Variants in MYO16 observed in about 807,000 individuals in gnomAD.
MYO16 encodes unconventional myosin-XVI.
In MYO16, 94 loss-of-function variants were observed where a neutral mutation model predicts 205.3. That is an observed-to-expected ratio of 0.46 (90% confidence interval 0.39 to 0.54). The LOEUF (loss-of-function observed/expected upper bound fraction) is 0.54, where lower values mean the gene tolerates loss of function less well. Ranked by LOEUF, MYO16 falls within the 20% of genes least tolerant of loss-of-function variation. The pLI is 0.00. For synonymous variants in MYO16, 988 were observed against 954.0 expected (o/e 1.04, Z -0.66); for missense variants, 2,315 against 2,387.5 (o/e 0.97, Z 0.63).
At chr13:108,739,039 G>T (rs956199558) in intron 4 of MYO16, among the ~76,000 whole-genome samples, 2 of 152,130 alleles carry the variant, frequency 1.3e-5, no homozygotes, top group African/African-American at 4.8e-5. Flanking sequence ...ATCTCTGCAG[G>T]TGAGATGGGT....
At chr13:108,907,626 C>G (rs1881052750) in intron 15 of MYO16, among the ~76,000 whole-genome samples, 1 of 152,206 alleles carries the variant, frequency 6.6e-6, no homozygotes, top group Admixed American at 6.5e-5. Context: ...TTGCTTCCAT[C>G]TAAAAGCTCA....
the MYO16 span, among the ~76,000 whole-genome samples, chr13:108,521,935 A>G: frequency 3.7e-4 from 57 of 152,210 alleles, no homozygotes; most frequent in African/African-American, 1.4e-3. Context: ...ATTTATCTAA[A>G]CATTGGTTGG....
chr13:108,663,309 C>A (rs1285951316), intron 1 of MYO16, among the ~76,000 whole-genome samples: 1 of 136,354 alleles, frequency 7.3e-6, no homozygotes, highest in African/African-American at 2.9e-5. Flanking sequence ...TAGATTCTTT[C>A]TTTATTTTTT....
chr13:108,749,167 T>C (rs958143699), intron 4 of MYO16, among the ~76,000 whole-genome samples: 2 of 151,834 alleles, frequency 1.3e-5, no homozygotes, highest in Non-Finnish European at 2.9e-5. Flanking sequence ...TTTTTTGCAG[T>C]GAGAACACTG....
intron 4 of MYO16, among the ~76,000 whole-genome samples, chr13:108,783,989 T>C (rs1594291129): frequency 2.0e-5 from 3 of 152,310 alleles, no homozygotes; most frequent in African/African-American, 7.2e-5. Flanking sequence ...ACAATAGTGA[T>C]GTAGGGCCAA....
At chr13:109,184,223 A>G (rs577407068) in intron 34 of MYO16, among the ~76,000 whole-genome samples, 24 of 152,112 alleles carry the variant, frequency 1.6e-4, no homozygotes, top group Non-Finnish European at 2.8e-4. Context: ...ATGAGCTACA[A>G]AGAGAAGGAG....
intron 16 of MYO16, among the ~76,000 whole-genome samples, chr13:108,926,668 G>A (rs974812015): frequency 6.6e-6 from 1 of 152,084 alleles, no homozygotes; most frequent in Non-Finnish European, 1.5e-5. Flanking sequence ...AGGAGAAATA[G>A]GAGTGATGTT....
At chr13:109,051,983 C>T (rs929174270) in intron 24 of MYO16, among the ~76,000 whole-genome samples, 2 of 152,038 alleles carry the variant, frequency 1.3e-5, no homozygotes, top group African/African-American at 4.8e-5. Context: ...GACAAGTGCA[C>T]AAAAGCCCCT....
the MYO16 span, among the ~76,000 whole-genome samples, chr13:108,508,735 T>C: frequency 6.6e-6 from 1 of 152,206 alleles, no homozygotes; most frequent in South Asian, 2.1e-4. Context: ...AGGCTTTTCT[T>C]ATCCATTTCA....
rs371021562 is a variant in MYO16, at chr13:109,140,260, G to A, written c.4052-4G>A. Reference sequence around the variant, plus strand: ...CCCACTGACCGCGTCCTTTCCTGCCGCAGCTCTGGCCCGGCCCAGACCGCA... The same window carrying A: ...CCCACTGACCGCGTCCTTTCCTGCCACAGCTCTGGCCCGGCCCAGACCGCA... On this transcript the variant is annotated splice_polypyrimidine_tract_variant and splice_region_variant and intron_variant, in intron 31 of 34. Coordinates refer to ENST00000457511, the MANE Select transcript of MYO16 (RefSeq NM_001198950.3). This position sits in a 1 kb window ranked among gnomAD's most constrained non-coding sequence, Gnocchi z 8.0. The A allele has an allele frequency of 1.2e-4, 186 of 1,598,192 alleles. No individual in the cohort carries two copies. The African/African-American group carries it at 1.3e-3, about 11-fold the overall frequency.
intron 10 of MYO16, among the ~76,000 whole-genome samples, chr13:108,847,403 C>A (rs1423408938): frequency 6.6e-6 from 1 of 152,152 alleles, no homozygotes; most frequent in Non-Finnish European, 1.5e-5. Flanking sequence ...CTCATATGTT[C>A]TTGCCCACAA....
intron 9 of MYO16, among the ~76,000 whole-genome samples, chr13:108,828,602 C>A (rs1426082790): frequency 6.6e-6 from 1 of 152,088 alleles, no homozygotes; most frequent in Non-Finnish European, 1.5e-5. Flanking sequence ...TTTATCCTAC[C>A]AGGTGAGATG....
chr13:108,734,207 A>T (rs998494538), intron 4 of MYO16, among the ~76,000 whole-genome samples: 3 of 145,456 alleles, frequency 2.1e-5, no homozygotes, highest in Admixed American at 6.7e-5. Flanking sequence ...TTTTTTTTTT[A>T]GCACTTATAC....
intron 20 of MYO16, among the ~76,000 whole-genome samples, chr13:108,981,464 G>A (rs992052762): frequency 1.3e-5 from 2 of 152,134 alleles, no homozygotes; most frequent in Admixed American, 6.5e-5. Context: ...CTTTGAATTC[G>A]AGCTGGCCTT....
intron 2 of MYO16, among the ~76,000 whole-genome samples, chr13:108,704,660 C>A (rs528530085): frequency 9.2e-5 from 14 of 152,214 alleles, no homozygotes; most frequent in Admixed American, 7.2e-4. Context: ...ACACGTTTTA[C>A]AATTGATAAA....
At chr13:108,574,789 G>C in the MYO16 span, among the ~76,000 whole-genome samples, 38 of 151,776 alleles carry the variant, frequency 2.5e-4, no homozygotes, top group Non-Finnish European at 4.4e-4. Context: ...CTCTCCCTCA[G>C]TTTGTTAAAC....
intron 1 of MYO16, among the ~76,000 whole-genome samples, chr13:108,664,579 C>A (rs866477406): frequency 7.9e-5 from 12 of 152,088 alleles, no homozygotes; most frequent in Non-Finnish European, 1.6e-4. Flanking sequence ...TGAACTATAC[C>A]CTTAGTATAT....
intron 20 of MYO16, among the ~76,000 whole-genome samples, chr13:108,988,837 T>G (rs777040089): frequency 3.3e-5 from 5 of 152,120 alleles, no homozygotes; most frequent in Admixed American, 3.3e-4. Context: ...CTGATGTCAG[T>G]GGATAGAGAG....
At chr13:109,004,512 A>G (rs917908283) in intron 21 of MYO16, among the ~76,000 whole-genome samples, 1 of 152,138 alleles carries the variant, frequency 6.6e-6, no homozygotes, top group Non-Finnish European at 1.5e-5. Context: ...AACAATTTTT[A>G]TTTTTTATTT....
Sources: allele counts gnomAD v4.1 joint callset (sites outside exome capture counted in the v4.1 genomes callset), GRCh38; gene constraint gnomAD v4.1.1; non-coding constraint Gnocchi (gnomAD v3.1); transcripts MANE v1.5; gene names NCBI Gene and HGNC (gene_info 2026-07-23, HGNC 2026-07-21).